Variants in GSDME observed in about 807,000 individuals in gnomAD.
The protein encoded by GSDME is gasdermin-E.
GSDME carries 44 observed loss-of-function variants against 47.5 expected under a neutral mutation model. The ratio of observed to expected loss-of-function variants is 0.93; its 90% CI spans 0.73 to 1.19. The LOEUF (loss-of-function observed/expected upper bound fraction) is 1.19. GSDME is among the 50% of genes most tolerant of loss of function. The pLI, the probability that GSDME is intolerant of heterozygous loss-of-function variation, is 0.00. For missense variants in GSDME, 663 were observed against 604.2 expected (o/e 1.10, Z -1.02); for synonymous variants, 258 against 252.8 (o/e 1.02, Z -0.20).
the GSDME span, among the ~76,000 whole-genome samples, chr7:24,787,383 C>T: frequency 6.6e-5 from 10 of 150,426 alleles, no homozygotes; most frequent in Admixed American, 2.0e-4. The surrounding 1 kb of genome is among the most constrained non-coding windows in gnomAD (Gnocchi z 5.0). Context: ...CTAGAATAAT[C>T]ATGAAATTAG....
Position 24,724,735 on chromosome 7 carries a change from C to T in GSDME, c.405-5517G>A, listed in dbSNP as rs1789911184. Reference sequence around the variant, plus strand: ...ACCTGGAGTCATCCCGGAATCGGTTCCCTGCTCCAATGTGGTTTAATGTTT... The same window carrying T: ...ACCTGGAGTCATCCCGGAATCGGTTTCCTGCTCCAATGTGGTTTAATGTTT... On this transcript the variant is annotated intron_variant, in intron 3 of 9. Transcript: ENST00000645220. This position sits in a 1 kb window ranked among gnomAD's most constrained non-coding sequence, Gnocchi z 4.8. The T allele has an allele frequency of 1.3e-5, 2 of 152,254 alleles. No homozygotes were observed. The highest frequency in any genetic ancestry group is 4.1e-4 in the South Asian group (2 of 4,820). The allele number at this position is 152,254 out of a possible 1,614,324, so 9.4% of individuals were successfully genotyped here.
chr7:24,788,239 C>T, the GSDME span, among the ~76,000 whole-genome samples: 2 of 152,344 alleles, frequency 1.3e-5, no homozygotes, highest in East Asian at 3.9e-4. This position sits in a 1 kb window ranked among gnomAD's most constrained non-coding sequence, Gnocchi z 4.6. Context: ...CACCCTGGGG[C>T]TCTGGGGCTC....
At chr7:24,764,744 C>T in the GSDME span, among the ~76,000 whole-genome samples, 1 of 152,180 alleles carries the variant, frequency 6.6e-6, no homozygotes, top group African/African-American at 2.4e-5. This position sits in a 1 kb window ranked among gnomAD's most constrained non-coding sequence, Gnocchi z 4.4. Flanking sequence ...ACCTCCACTT[C>T]CTTATCTGGA....
chr7:24,744,362 T>TCC lies in GSDME; in HGVS notation c.404+198_404+199dup. On this transcript the variant is annotated intron_variant, in intron 3 of 9. Coordinates refer to ENST00000645220, the MANE Select transcript of GSDME (RefSeq NM_001127453.2). The surrounding 1 kb of genome is among the most constrained non-coding windows in gnomAD (Gnocchi z 4.5). ...ATCCTTTGAAAGTGCTTCCCAAGTC[T>TCC]CCCCCCACTCAGGCTAAGAACAGTC... The TCC allele has an allele frequency of 1.6e-6, 1 of 625,604 alleles. No homozygotes were observed. The highest frequency in any genetic ancestry group is 1.9e-5 in the South Asian group (1 of 52,450). The allele number at this position is 625,604 out of a possible 1,614,324, so 38.8% of individuals were successfully genotyped here.
At chr7:24,731,761 G>C (rs1790153489) in intron 3 of GSDME, among the ~76,000 whole-genome samples, 1 of 152,226 alleles carries the variant, frequency 6.6e-6, no homozygotes, top group Non-Finnish European at 1.5e-5. Context: ...GCTAATCAAA[G>C]AAATTCTGGG....
intron 5 of GSDME, chr7:24,710,638 C>T (rs969858795): frequency 3.8e-6 from 2 of 520,630 alleles, no homozygotes; most frequent in Non-Finnish European, 6.9e-6. Context: ...ATTCTCTGAA[C>T]AGGCTGGACA....
upstream of GSDME, among the ~76,000 whole-genome samples, chr7:24,760,778 G>T (rs1791154846): frequency 6.6e-6 from 1 of 152,122 alleles, no homozygotes; most frequent in Non-Finnish European, 1.5e-5. This position sits in a 1 kb window ranked among gnomAD's most constrained non-coding sequence, Gnocchi z 4.2. Flanking sequence ...TTTTAAACTG[G>T]AGACTGTATT....
Position 24,705,963 on chromosome 7 carries a change from G to C in GSDME, c.1183+221C>G. The C allele has an allele frequency of 3.2e-6, 2 of 622,168 alleles. No individual in the cohort carries two copies. Among genetic ancestry groups the C allele is most frequent in the Non-Finnish European group, 5.7e-6 (2 of 349,888 alleles). 38.5% of individuals were successfully genotyped at this position (622,168 alleles called of 1,614,324 possible). ...GGGAGGAGGGAGAAGGGCCCTCCGG[G>C]AGAGTAGGGAGGCTTGTGCTGGATG... On this transcript the variant is annotated intron_variant, in intron 8 of 9. Coordinates refer to ENST00000645220, the MANE Select transcript of GSDME (RefSeq NM_001127453.2). The surrounding 1 kb of genome is among the most constrained non-coding windows in gnomAD (Gnocchi z 4.1).
At chr7:24,752,266 C>G (rs1790882840) in intron 1 of GSDME, among the ~76,000 whole-genome samples, 2 of 152,172 alleles carry the variant, frequency 1.3e-5, no homozygotes, top group Non-Finnish European at 2.9e-5. Context: ...CTGAGCTTGA[C>G]TCTTGCACTG....
At chr7:24,708,491 C>G (rs868837979) in intron 6 of GSDME, among the ~76,000 whole-genome samples, 1 of 152,200 alleles carries the variant, frequency 6.6e-6, no homozygotes, top group Admixed American at 6.5e-5. Context: ...TTTTGTATTT[C>G]AAGCTTCACT....
chr7:24,702,801 T>G lies in GSDME; in HGVS notation c.1216A>C (p.Thr406Pro). Residue 406 changes from threonine to proline, a missense_variant, in exon 9 of 10, where the codon ACT (threonine) becomes CCT (proline). Transcript: ENST00000645220. ...MPDSAAALLG[T>P]CCKLQIIPTL... ...GGAATGATCTGGAGTTTGCAGCAAG[T>G]GCCCAGCAGAGCTGCTGCGCTATCT... 6.2e-7 allele frequency: 1 copy of G among 1,613,616 alleles called. No individual in the cohort carries two copies. The highest frequency in any genetic ancestry group is 8.5e-7 in the Non-Finnish European group (1 of 1,179,684).
chr7:24,719,032 C>A lies in GSDME; in HGVS notation c.576+15G>T. 1 of 1,611,482 alleles carries A rather than the reference C, an allele frequency of 6.2e-7. No homozygotes were observed. Among genetic ancestry groups the A allele is most frequent in the South Asian group, 1.1e-5 (1 of 90,980 alleles). On this transcript the variant is annotated intron_variant, in intron 4 of 9. Coordinates refer to ENST00000645220, the MANE Select transcript of GSDME (RefSeq NM_001127453.2). ...CTGCTCAGCCATGAACGCAGGGCAG[C>A]CCGACTGCACGCACCTGCACCGTCT... is the stretch of plus-strand genomic sequence containing the variant.
the GSDME span, among the ~76,000 whole-genome samples, chr7:24,783,201 G>C: frequency 6.6e-6 from 1 of 152,082 alleles, no homozygotes; most frequent in South Asian, 2.1e-4. Flanking sequence ...CTCATGCATG[G>C]GTCTTGAGAT....
In GSDME at chr7:24,708,275, C is replaced by T. The variant is rs769371589; in HGVS notation, c.863-21G>A. 4 of 1,613,662 alleles carry T rather than the reference C, an allele frequency of 2.5e-6. No homozygotes were observed. In the African/African-American group the frequency reaches 5.3e-5, roughly 22 times the overall value. Reference sequence around the variant, plus strand: ...GGTCGCTGTGAAAACAAAGCACACCCAAGTCTCATGACTGCGATGCACATC... The same window carrying T: ...GGTCGCTGTGAAAACAAAGCACACCTAAGTCTCATGACTGCGATGCACATC... On this transcript the variant is annotated intron_variant, in intron 6 of 9. Coordinates refer to ENST00000645220, the MANE Select transcript of GSDME (RefSeq NM_001127453.2).
At chr7:24,720,587 T>C (rs1053836976) in intron 3 of GSDME, among the ~76,000 whole-genome samples, 6 of 152,208 alleles carry the variant, frequency 3.9e-5, no homozygotes, top group African/African-American at 9.6e-5. Context: ...AAATGTGTTA[T>C]AGTCATATAA....
At chr7:24,723,640 G>C (rs1789870304) in intron 3 of GSDME, among the ~76,000 whole-genome samples, 1 of 152,182 alleles carries the variant, frequency 6.6e-6, no homozygotes, top group South Asian at 2.1e-4. Flanking sequence ...AGAGGTTGAT[G>C]GTAGTAACCA....
At chr7:24,791,390 C>A in the GSDME span, among the ~76,000 whole-genome samples, 1 of 152,192 alleles carries the variant, frequency 6.6e-6, no homozygotes, top group South Asian at 2.1e-4. This position sits in a 1 kb window ranked among gnomAD's most constrained non-coding sequence, Gnocchi z 4.8. Context: ...AAGGGGGCTG[C>A]TCCATAAGCC....
Position 24,708,273 on chromosome 7 carries a change from C to T in GSDME, c.863-19G>A, listed in dbSNP as rs1171847056. 2.5e-6 allele frequency: 4 copies of T among 1,613,802 alleles called. No individual in the cohort carries two copies. The highest frequency in any genetic ancestry group is 2.2e-5 in the East Asian group (1 of 44,870). ...AGGGTCGCTGTGAAAACAAAGCACACCCAAGTCTCATGACTGCGATGCACA... is the reference window on the plus strand; with the variant it reads ...AGGGTCGCTGTGAAAACAAAGCACATCCAAGTCTCATGACTGCGATGCACA... On this transcript the variant is annotated intron_variant, in intron 6 of 9. Coordinates refer to ENST00000645220, the MANE Select transcript of GSDME (RefSeq NM_001127453.2).
At chr7:24,788,374 T>C in the GSDME span, among the ~76,000 whole-genome samples, 2 of 149,128 alleles carry the variant, frequency 1.3e-5, no homozygotes, top group African/African-American at 5.0e-5. This position sits in a 1 kb window ranked among gnomAD's most constrained non-coding sequence, Gnocchi z 4.6. Context: ...TCTACAGCTG[T>C]AGCTCCCGAT....
Sources: allele counts gnomAD v4.1 joint callset (sites outside exome capture counted in the v4.1 genomes callset), GRCh38; gene constraint gnomAD v4.1.1; non-coding constraint Gnocchi (gnomAD v3.1); transcripts MANE v1.5; gene names NCBI Gene and HGNC (gene_info 2026-07-23, HGNC 2026-07-21).